Variants in SNX29 observed in about 807,000 individuals in gnomAD.
SNX29 encodes sorting nexin 29.
In SNX29, 78 loss-of-function variants were observed where a neutral mutation model predicts 102.1. The observed-to-expected ratio is 0.76, with a 90% CI of 0.64 to 0.92. The LOEUF (loss-of-function observed/expected upper bound fraction) is 0.92. SNX29 is among the 40% of genes least tolerant of loss of function. The pLI is 0.00. For synonymous variants in SNX29, 580 were observed against 414.5 expected (o/e 1.40, Z -4.85); for missense variants, 1,280 against 1,061.7 (o/e 1.21, Z -2.86).
intron 16 of SNX29, among the ~76,000 whole-genome samples, chr16:12,389,946 C>T (rs2083465136): frequency 6.6e-6 from 1 of 152,180 alleles, no homozygotes; most frequent in African/African-American, 2.4e-5. Context: ...TGAATACTTT[C>T]CACTCATTGC....
chr16:12,409,605 A>G (rs2084313183), intron 18 of SNX29, among the ~76,000 whole-genome samples: 1 of 151,464 alleles, frequency 6.6e-6, no homozygotes. Context: ...ATTTTTTTGT[A>G]TTTTTAGTAG....
rs1161301722 is a variant in SNX29 at position 12,574,147 on chromosome 16, A to T, written c.*5518A>T. On this transcript the variant is annotated 3_prime_UTR_variant, in exon 21 of 21. Transcript: ENST00000566228. ...GGTTTACATAATAGGATTTTTAAAC[A>T]AATGTGTTTAATTTTTTAAGATCTC... The T allele has an allele frequency of 5.5e-6, 1 of 182,112 alleles. No homozygotes were observed. Among genetic ancestry groups the T allele is most frequent in the Non-Finnish European group, 1.2e-5 (1 of 85,502 alleles). 11.3% of individuals were successfully genotyped at this position (182,112 alleles called of 1,614,324 possible). A position where few individuals can be genotyped will look rare whatever the true frequency, so the allele number is the denominator to read the frequency against.
chr16:12,526,425 G>A (rs909208536), intron 20 of SNX29: 14 of 399,836 alleles, frequency 3.5e-5, no homozygotes, highest in African/African-American at 6.3e-5. Flanking sequence ...TAATTGTTCC[G>A]GGGTTTTTGT....
At chr16:12,000,124 G>A (rs894047089) in intron 2 of SNX29, among the ~76,000 whole-genome samples, 2 of 152,144 alleles carry the variant, frequency 1.3e-5, no homozygotes, top group Non-Finnish European at 2.9e-5. Context: ...TGTGATTGAT[G>A]TGATGCTGTT....
chr16:12,446,504 T>G (rs141902901), intron 18 of SNX29, among the ~76,000 whole-genome samples: 1 of 152,226 alleles, frequency 6.6e-6, no homozygotes, highest in Non-Finnish European at 1.5e-5. Flanking sequence ...AGGATTGATC[T>G]AGCACTCCAA....
intron 16 of SNX29, among the ~76,000 whole-genome samples, chr16:12,377,554 T>C (rs1370749488): frequency 6.6e-6 from 1 of 152,202 alleles, no homozygotes; most frequent in Non-Finnish European, 1.5e-5. Context: ...TAGTTACTTG[T>C]GAGCGGTCTT....
intron 3 of SNX29, among the ~76,000 whole-genome samples, chr16:12,013,384 C>A (rs970730395): frequency 6.8e-6 from 1 of 147,974 alleles, no homozygotes; most frequent in Non-Finnish European, 1.5e-5. Flanking sequence ...TGGTTCACGC[C>A]TGTAATCCCA....
rs200501880 is a variant in SNX29, at chr16:12,199,565, T to C, written c.1596-36T>C. 448 of 1,567,032 alleles carry C rather than the reference T, an allele frequency of 2.9e-4. No homozygotes were observed. In the African/African-American group the frequency reaches 4.4e-3, roughly 16 times the overall value. ...CCTGTGGGTCCACATTGTCACTTTTTAAATATATATTTTTTTAACATTCTT... is the reference window on the plus strand; with the variant it reads ...CCTGTGGGTCCACATTGTCACTTTTCAAATATATATTTTTTTAACATTCTT... On this transcript the variant is annotated intron_variant, in intron 13 of 20. Coordinates refer to ENST00000566228, the MANE Select transcript of SNX29 (RefSeq NM_032167.5).
At chr16:12,385,840 G>T (rs938801214) in intron 16 of SNX29, among the ~76,000 whole-genome samples, 1 of 152,172 alleles carries the variant, frequency 6.6e-6, no homozygotes, top group Non-Finnish European at 1.5e-5. Context: ...GTTGGAAAAC[G>T]GGGCGGCAAG....
At chr16:12,150,662 GTGCGTGAGCTGCATCCCTTTGTAAT>G (rs1204291155) in intron 13 of SNX29, among the ~76,000 whole-genome samples, 2 of 152,228 alleles carry the variant, frequency 1.3e-5, no homozygotes, top group Non-Finnish European at 2.9e-5. Context: ...TTGAGATAGT[GTGCGTGAGCTGCATCCCTTTGTAAT>G]TGCCACGGTC....
chr16:12,356,099 A>C (rs2082126601), intron 15 of SNX29, 64 bp from the exon 16 acceptor site: 2 of 1,470,102 alleles, frequency 1.4e-6, no homozygotes, highest in Admixed American at 3.8e-5. Flanking sequence ...AGTCCAGAGA[A>C]GGCGGGATTG....
chr16:12,236,501 G>A lies in SNX29; in HGVS notation c.1678+36818G>A, dbSNP rs183276240. Reference sequence around the variant, plus strand: ...TGCCTAGAAGCCCTTTTCCCACTACGTCTTCTCTGTTGCATGACTTTCCGC... The same window carrying A: ...TGCCTAGAAGCCCTTTTCCCACTACATCTTCTCTGTTGCATGACTTTCCGC... On this transcript the variant is annotated intron_variant, in intron 14 of 20. Coordinates refer to ENST00000566228, the MANE Select transcript of SNX29 (RefSeq NM_032167.5). 9.9e-5 allele frequency among the ~76,000 whole-genome samples: 15 copies of A among 152,274 alleles called. No homozygotes were observed. In the South Asian group the frequency reaches 1.9e-3, roughly 19 times the overall value.
intron 20 of SNX29, among the ~76,000 whole-genome samples, chr16:12,529,050 C>G (rs1411729883): frequency 1.3e-5 from 2 of 152,232 alleles, no homozygotes; most frequent in Admixed American, 6.5e-5. Flanking sequence ...ATCATGACTT[C>G]TAAGTAATCT....
intron 15 of SNX29, among the ~76,000 whole-genome samples, chr16:12,282,731 C>G (rs889407971): frequency 6.6e-6 from 1 of 152,236 alleles, no homozygotes; most frequent in Admixed American, 6.5e-5. Flanking sequence ...TCTCAGCTCA[C>G]TGCAACCTCC....
At chr16:12,222,446 G>C (rs889163794) in intron 14 of SNX29, among the ~76,000 whole-genome samples, 1 of 152,202 alleles carries the variant, frequency 6.6e-6, no homozygotes, top group African/African-American at 2.4e-5. Context: ...ACAACCACCA[G>C]CTTGTATGTT....
At chr16:12,097,670 C>A (rs765039009) in intron 11 of SNX29, among the ~76,000 whole-genome samples, 2 of 152,142 alleles carry the variant, frequency 1.3e-5, no homozygotes, top group Non-Finnish European at 2.9e-5. Context: ...TCCCTGAACT[C>A]TAAGCTAGGA....
intron 8 of SNX29, among the ~76,000 whole-genome samples, chr16:12,058,703 A>G (rs1056782250): frequency 2.0e-5 from 3 of 150,452 alleles, no homozygotes; most frequent in African/African-American, 7.3e-5. Flanking sequence ...CATGTTGGCC[A>G]GGCTGGTCTT....
At chr16:12,257,252 C>A (rs1057014356) in intron 14 of SNX29, among the ~76,000 whole-genome samples, 3 of 152,184 alleles carry the variant, frequency 2.0e-5, no homozygotes, top group South Asian at 2.1e-4. Context: ...ATCCGACTTC[C>A]TGTTCTCCTG....
At chr16:12,501,498 G>C (rs2089120446) in intron 19 of SNX29, among the ~76,000 whole-genome samples, 1 of 152,054 alleles carries the variant, frequency 6.6e-6, no homozygotes, top group African/African-American at 2.4e-5. Context: ...GAGGTGAGTG[G>C]ATCACCTGAG....
Sources: gnomAD v4.1 joint callset for allele counts (sites outside exome capture counted in the v4.1 genomes callset) on GRCh38, gnomAD v4.1.1 for gene constraint, MANE v1.5 for transcripts, NCBI Gene and HGNC (gene_info 2026-07-23, HGNC 2026-07-21) for gene names.